Variants in ARHGAP15 observed in about 807,000 individuals in gnomAD.
The protein encoded by ARHGAP15 is Rho GTPase activating protein 15.
In ARHGAP15, 51 loss-of-function variants were observed where a neutral mutation model predicts 63.7. The ratio of observed to expected loss-of-function variants is 0.80; its 90% CI spans 0.64 to 1.01. The LOEUF (loss-of-function observed/expected upper bound fraction) is 1.01. Among genes scored for constraint, ARHGAP15 ranks in the 50% least tolerant of loss-of-function variants. ARHGAP15 has a pLI of 0.00. For missense variants in ARHGAP15, 560 were observed against 564.6 expected, an observed-to-expected ratio of 0.99 and a Z score of 0.08; for synonymous variants, 191 against 193.8, an observed-to-expected ratio of 0.99 and a Z score of 0.12.
chr2:143,471,629 G>A (rs1691582954), intron 8 of ARHGAP15, among the ~76,000 whole-genome samples: 1 of 152,094 alleles, frequency 6.6e-6, no homozygotes, highest in African/African-American at 2.4e-5. Flanking sequence ...GGACAGGCCT[G>A]AAGGAAGTGA....
intron 10 of ARHGAP15, among the ~76,000 whole-genome samples, chr2:143,522,381 C>T (rs1315370712): frequency 1.3e-5 from 2 of 152,158 alleles, no homozygotes; most frequent in East Asian, 1.9e-4. Context: ...GGTTCCTTCC[C>T]GCTTGCCTTG....
chr2:143,616,818 C>A (rs1698467240), intron 11 of ARHGAP15, among the ~76,000 whole-genome samples: 2 of 152,164 alleles, frequency 1.3e-5, no homozygotes, highest in Admixed American at 1.3e-4. Flanking sequence ...ATTTTGCATA[C>A]AAGTTTTCAT....
intron 9 of ARHGAP15, among the ~76,000 whole-genome samples, chr2:143,492,827 C>A (rs1280654610): frequency 6.6e-6 from 1 of 151,852 alleles, no homozygotes; most frequent in Admixed American, 6.6e-5. Context: ...GAGGCAGAGG[C>A]GGGCAGATCA....
chr2:143,654,797 A>G (rs1341740061), intron 12 of ARHGAP15, among the ~76,000 whole-genome samples: 1 of 152,204 alleles, frequency 6.6e-6, no homozygotes, highest in Non-Finnish European at 1.5e-5. Context: ...GTTCTCTTGA[A>G]TATATGGAAA....
intron 13 of ARHGAP15, among the ~76,000 whole-genome samples, chr2:143,742,503 G>C (rs888300604): frequency 2.6e-5 from 4 of 152,174 alleles, no homozygotes; most frequent in African/African-American, 9.7e-5. Flanking sequence ...GAAAGAATCG[G>C]TAAAGAAATG....
chr2:143,414,271 C>G lies in ARHGAP15; in HGVS notation c.475-21330C>G, dbSNP rs534451191. Among the ~76,000 whole-genome samples the G allele has an allele frequency of 2.4e-4, 36 of 151,758 alleles. 1 individual carries two copies. The highest frequency in any genetic ancestry group is 8.7e-4 in the African/African-American group (36 of 41,436). ...AATGAAGCAGATTTGATCAATAAAACTGAAAAGCTGTTCCCTTAAAAAGAA... is the reference window on the plus strand; with the variant it reads ...AATGAAGCAGATTTGATCAATAAAAGTGAAAAGCTGTTCCCTTAAAAAGAA... On this transcript the variant is annotated intron_variant, in intron 6 of 13. Transcript: ENST00000295095.
chr2:143,387,907 C>A (rs570236045), intron 6 of ARHGAP15, among the ~76,000 whole-genome samples: 1 of 135,424 alleles, frequency 7.4e-6, no homozygotes, highest in African/African-American at 2.7e-5. Context: ...ACACGCATGC[C>A]TGCACACACA....
chr2:143,560,647 T>C (rs1289576700), intron 11 of ARHGAP15, among the ~76,000 whole-genome samples: 1 of 152,240 alleles, frequency 6.6e-6, no homozygotes, highest in Non-Finnish European at 1.5e-5. Flanking sequence ...CGCCTCTTGG[T>C]GTTGGTAACT....
intron 6 of ARHGAP15, among the ~76,000 whole-genome samples, chr2:143,318,306 C>T (rs943383085): frequency 7.2e-5 from 11 of 151,968 alleles, no homozygotes; most frequent in African/African-American, 2.7e-4. Flanking sequence ...ATGCCCGTCC[C>T]ATAAAACTTT....
chr2:143,408,417 C>A (rs1032129406), intron 6 of ARHGAP15, among the ~76,000 whole-genome samples: 1 of 151,598 alleles, frequency 6.6e-6, no homozygotes, highest in African/African-American at 2.4e-5. Flanking sequence ...AAGATCTCTT[C>A]CAGCTTTAGG....
intron 6 of ARHGAP15, among the ~76,000 whole-genome samples, chr2:143,282,097 G>A (rs1681878055): frequency 1.3e-5 from 2 of 151,788 alleles, no homozygotes; most frequent in Admixed American, 1.3e-4. Flanking sequence ...TCCTATACTT[G>A]TAAATAAATT....
chr2:143,681,788 G>A (rs1183123739), intron 12 of ARHGAP15, among the ~76,000 whole-genome samples: 1 of 152,152 alleles, frequency 6.6e-6, no homozygotes, highest in Non-Finnish European at 1.5e-5. Context: ...AGAAATCGAG[G>A]TGTTTTGTCT....
At chr2:143,764,119 G>T (rs964158554) in intron 13 of ARHGAP15, among the ~76,000 whole-genome samples, 3 of 152,138 alleles carry the variant, frequency 2.0e-5, no homozygotes, top group African/African-American at 7.2e-5. Flanking sequence ...TGGAAAACGT[G>T]CAGGGAAATG....
chr2:143,513,331 G>A (rs984033601), intron 9 of ARHGAP15, among the ~76,000 whole-genome samples: 5 of 152,112 alleles, frequency 3.3e-5, no homozygotes, highest in Admixed American at 6.6e-5. Flanking sequence ...AAAATAATCA[G>A]CAGTGTACTT....
At chr2:143,231,533 G>GC (rs1357397343) in intron 5 of ARHGAP15, among the ~76,000 whole-genome samples, 1 of 152,128 alleles carries the variant, frequency 6.6e-6, no homozygotes, top group Non-Finnish European at 1.5e-5. Flanking sequence ...GTTTCCCGGT[G>GC]CCCCCATCTT....
chr2:143,723,367 T>G (rs181279392), intron 13 of ARHGAP15, among the ~76,000 whole-genome samples: 1 of 152,236 alleles, frequency 6.6e-6, no homozygotes, highest in Non-Finnish European at 1.5e-5. Flanking sequence ...TGAAGGAGGA[T>G]GCTGGAGCAA....
intron 12 of ARHGAP15, among the ~76,000 whole-genome samples, chr2:143,668,855 T>C (rs1682372565): frequency 6.6e-6 from 1 of 152,208 alleles, no homozygotes; most frequent in African/African-American, 2.4e-5. Flanking sequence ...ATTATTCTGA[T>C]TTATACCACA....
intron 3 of ARHGAP15, among the ~76,000 whole-genome samples, chr2:143,214,776 G>A (rs980535412): frequency 1.3e-4 from 20 of 152,006 alleles, no homozygotes; most frequent in Admixed American, 3.3e-4. Flanking sequence ...ACTAAGTCCC[G>A]TGCTATGTAT....
chr2:143,346,172 ACTCTCTCTCTCACACACACACTCT>A (rs1345509868), intron 6 of ARHGAP15, among the ~76,000 whole-genome samples: 3 of 138,828 alleles, frequency 2.2e-5, no homozygotes, highest in African/African-American at 5.2e-5. Flanking sequence ...ACACACACAC[ACTCTCTCTCTCACACACACACTCT>A]CTCTCTCACA....
Sources: gnomAD v4.1 joint callset for allele counts (sites outside exome capture counted in the v4.1 genomes callset) on GRCh38, gnomAD v4.1.1 for gene constraint, MANE v1.5 for transcripts, NCBI Gene and HGNC (gene_info 2026-07-23, HGNC 2026-07-21) for gene names.